Variants in SLC10A6 observed in about 807,000 individuals in gnomAD.
SLC10A6 encodes the protein sodium-dependent organic anion transporter.
A neutral mutation model predicts 30.0 loss-of-function variants in SLC10A6; 27 were observed. The observed-to-expected ratio is 0.90, with a 90% CI of 0.66 to 1.24. The LOEUF is 1.24. Ranked by LOEUF, SLC10A6 falls within the 50% of genes most tolerant of loss-of-function variation. The probability of loss-of-function intolerance (pLI) is 0.00; values close to 1 mark genes in which losing one functional copy is unlikely to be tolerated. For missense variants in SLC10A6, 439 were observed against 457.0 expected (o/e 0.96, Z 0.36); for synonymous variants, 166 against 173.8 (o/e 0.95, Z 0.36).
chr4:86,840,092 T>A (rs551571702), intron 1 of SLC10A6, among the ~76,000 whole-genome samples: 27 of 150,204 alleles, frequency 1.8e-4, no homozygotes, highest in East Asian at 5.9e-4. Flanking sequence ...TTTTTTTTTT[T>A]AATTTTTAGT....
intron 5 of SLC10A6, among the ~76,000 whole-genome samples, chr4:86,825,055 T>C (rs1435225941): frequency 6.6e-6 from 1 of 152,234 alleles, no homozygotes; most frequent in Non-Finnish European, 1.5e-5. Context: ...TCAAGGCTTT[T>C]AATGAGACCT....
chr4:86,837,924 T>A (rs539974390), intron 1 of SLC10A6, among the ~76,000 whole-genome samples: 1 of 152,338 alleles, frequency 6.6e-6, no homozygotes, highest in Non-Finnish European at 1.5e-5. Flanking sequence ...TACGTCAAGG[T>A]CTTCTGCATA....
At chr4:86,825,700 C>T (rs1051412161) in intron 4 of SLC10A6, 123 bp from the exon 5 acceptor site, 28 of 1,059,088 alleles carry the variant, frequency 2.6e-5, no homozygotes, top group Non-Finnish European at 3.5e-5. Flanking sequence ...TGTACTCATT[C>T]CATAGTTATT....
At chr4:86,840,441 G>T (rs1746271404) in intron 1 of SLC10A6, among the ~76,000 whole-genome samples, 1 of 152,094 alleles carries the variant, frequency 6.6e-6, no homozygotes, top group South Asian at 2.1e-4. Flanking sequence ...TATATAGTCA[G>T]AGCTGTTTTT....
intron 3 of SLC10A6, among the ~76,000 whole-genome samples, chr4:86,830,235 A>G (rs1746056159): frequency 6.6e-6 from 1 of 152,178 alleles, no homozygotes; most frequent in African/African-American, 2.4e-5. Context: ...GTCTCTAAAA[A>G]AAAAATCTTT....
chr4:86,847,836 G>A lies in SLC10A6; in HGVS notation c.377+903C>T, dbSNP rs545234340. On this transcript the variant is annotated intron_variant, in intron 1 of 5. Transcript: ENST00000273905. ...AAACAAATACTTAAATTTATAAGCAGTTCTTCCCCAGGGCAGGAAGTGAAA... is the reference window on the plus strand; with the variant it reads ...AAACAAATACTTAAATTTATAAGCAATTCTTCCCCAGGGCAGGAAGTGAAA... 1.2e-4 allele frequency among the ~76,000 whole-genome samples: 19 copies of A among 152,226 alleles called. No homozygotes were observed. In the East Asian group the frequency reaches 3.7e-3, roughly 29 times the overall value.
At chr4:86,842,790 CTTTCTTTCTTTCTTTCTT>C (rs1746313923) in intron 1 of SLC10A6, among the ~76,000 whole-genome samples, 1 of 2,814 alleles carries the variant, frequency 3.6e-4, no homozygotes, top group Admixed American at 3.8e-3. Flanking sequence ...CACCTCTTTT[CTTTCTTTCTTTCTTTCTT>C]TCTTTCTTTC....
intron 1 of SLC10A6, among the ~76,000 whole-genome samples, chr4:86,837,410 T>C (rs1254942830): frequency 2.0e-5 from 3 of 151,846 alleles, no homozygotes; most frequent in East Asian, 1.9e-4. Flanking sequence ...ACCATAAATA[T>C]ACATAATTTA....
intron 1 of SLC10A6, among the ~76,000 whole-genome samples, chr4:86,841,922 A>G (rs938840805): frequency 6.6e-6 from 1 of 152,122 alleles, no homozygotes; most frequent in African/African-American, 2.4e-5. Flanking sequence ...CCTCAATATA[A>G]ATGTTACCCT....
Position 86,849,329 on chromosome 4 carries a change from A to C in SLC10A6, c.-214T>G. 1.7e-6 allele frequency: 1 copy of C among 573,978 alleles called. No individual in the cohort carries two copies. Among genetic ancestry groups the C allele is most frequent in the Non-Finnish European group, 3.0e-6 (1 of 328,568 alleles). 35.6% of individuals were successfully genotyped at this position (573,978 alleles called of 1,614,324 possible). ...ATCACAGGCATGAAACATATAATAAACTGTGGTAAGTAAGGCTTTCCACTT... is the reference window on the plus strand; with the variant it reads ...ATCACAGGCATGAAACATATAATAACCTGTGGTAAGTAAGGCTTTCCACTT... On this transcript the variant is annotated 5_prime_UTR_variant, in exon 1 of 6. Transcript: ENST00000273905.
At position 86,825,418 on chromosome 4, in the gene SLC10A6, A is replaced by G; in HGVS notation, c.919+2T>C. ...TTTCCTACCCAATGGGTGTTCACCC[A>G]CCTGCAACAATAAGAAATCCATCTA... On this transcript the variant is annotated splice_donor_variant, in intron 5 of 5. Coordinates refer to ENST00000273905, the MANE Select transcript of SLC10A6 (RefSeq NM_197965.3). LOFTEE classifies it high-confidence loss of function. 1 of 1,585,708 alleles carries G rather than the reference A, an allele frequency of 6.3e-7. No individual in the cohort carries two copies. The highest frequency in any genetic ancestry group is 8.6e-7 in the Non-Finnish European group (1 of 1,157,550).
intron 3 of SLC10A6, among the ~76,000 whole-genome samples, chr4:86,830,090 T>C (rs1411853896): frequency 6.6e-6 from 1 of 152,160 alleles, no homozygotes; most frequent in African/African-American, 2.4e-5. Context: ...CCTACTGAAA[T>C]AACAATAATA....
chr4:86,842,870 CTTTCTTTT>C, intron 1 of SLC10A6, among the ~76,000 whole-genome samples: 1 of 44,868 alleles, frequency 2.2e-5, no homozygotes, highest in Non-Finnish European at 4.2e-5. Flanking sequence ...TTCTTTCTTT[CTTTCTTTT>C]TTTTTTTGAG....
intron 1 of SLC10A6, among the ~76,000 whole-genome samples, chr4:86,837,878 C>T (rs1746227549): frequency 2.0e-5 from 3 of 152,178 alleles, no homozygotes; most frequent in Admixed American, 1.3e-4. Flanking sequence ...GCAGACTGCC[C>T]TCCTGCTCTA....
At chr4:86,833,245 C>T (rs1746116805) in intron 2 of SLC10A6, 61 bp downstream of exon 2, 1 of 1,276,356 alleles carries the variant, frequency 7.8e-7, no homozygotes, top group Admixed American at 1.9e-5. Context: ...TAATTAAGAA[C>T]AGCTATTATT....
intron 3 of SLC10A6, among the ~76,000 whole-genome samples, chr4:86,831,485 C>T (rs969568934): frequency 1.3e-5 from 2 of 152,230 alleles, no homozygotes; most frequent in Non-Finnish European, 2.9e-5. Flanking sequence ...TGTGTGAAGC[C>T]TTGTTTATGG....
chr4:86,828,683 A>T (rs1475293396), intron 3 of SLC10A6, among the ~76,000 whole-genome samples: 3 of 151,998 alleles, frequency 2.0e-5, no homozygotes, highest in Non-Finnish European at 2.9e-5. Context: ...CCCATTCTTC[A>T]TTGGACAATC....
chr4:86,831,901 T>C (rs892604535), intron 2 of SLC10A6, 21 bp from the exon 3 acceptor site: 3 of 1,597,596 alleles, frequency 1.9e-6, no homozygotes, highest in East Asian at 2.3e-5. Flanking sequence ...GAAAAATCCA[T>C]GAGAGGGTTT....
intron 1 of SLC10A6, among the ~76,000 whole-genome samples, chr4:86,842,877 T>TCTTTCTTTCTTTC (rs201477476): frequency 1.3e-3 from 154 of 119,630 alleles, no homozygotes; most frequent in Admixed American, 3.3e-3. Context: ...TTTCTTTCTT[T>TCTTTCTTTCTTTC]TTTTTTTTGA....
Sources: allele counts gnomAD v4.1 joint callset (sites outside exome capture counted in the v4.1 genomes callset), GRCh38; gene constraint gnomAD v4.1.1; transcripts MANE v1.5; gene names NCBI Gene and HGNC (gene_info 2026-07-23, HGNC 2026-07-21).